Variants in ACAD9 observed in about 807,000 individuals in gnomAD.
The protein encoded by ACAD9 is acyl-CoA dehydrogenase family member 9, also known as complex I assembly factor ACAD9, mitochondrial.
ACAD9 carries 53 observed loss-of-function variants against 70.2 expected under a neutral mutation model. That is an observed-to-expected ratio of 0.75 (90% confidence interval 0.61 to 0.95). The LOEUF (loss-of-function observed/expected upper bound fraction) is 0.95, where lower values mean the gene tolerates loss of function less well. ACAD9 is among the 40% of genes least tolerant of loss of function. The probability of loss-of-function intolerance (pLI) is 0.00; values close to 1 mark genes in which losing one functional copy is unlikely to be tolerated. For missense variants in ACAD9, 777 were observed against 802.8 expected, an observed-to-expected ratio of 0.97 and a Z score of 0.39; for synonymous variants, 313 against 312.1, an observed-to-expected ratio of 1.00 and a Z score of -0.03.
intron 1 of ACAD9, among the ~76,000 whole-genome samples, chr3:128,882,510 C>T (rs781674842): frequency 5.3e-5 from 8 of 152,230 alleles, no homozygotes; most frequent in African/African-American, 7.2e-5. Flanking sequence ...CACAGCCTTA[C>T]TGGGATTAGA....
chr3:128,910,619 C>A, intron 16 of ACAD9, 122 bp from the exon 17 acceptor site: 1 of 1,071,750 alleles, frequency 9.3e-7, no homozygotes, highest in East Asian at 2.4e-5. Context: ...CGGGGTGACT[C>A]CTGTGCCAGG....
intron 1 of ACAD9, among the ~76,000 whole-genome samples, chr3:128,883,148 G>A (rs1353323506): frequency 6.6e-6 from 1 of 151,088 alleles, no homozygotes; most frequent in Non-Finnish European, 1.5e-5. Context: ...GAGTGCAGTG[G>A]TGCAATCACA....
chr3:128,901,668 AC>A lies in ACAD9; in HGVS notation c.882+322del, dbSNP rs562362106. Among the ~76,000 whole-genome samples, 4 of 152,340 alleles carry A rather than the reference AC, an allele frequency of 2.6e-5. No homozygotes were observed. The South Asian group carries it at 8.3e-4, about 32-fold the overall frequency. ...TGAATCTCAAGCTCTGTGTACCACA[AC>A]CCTGGTCTGCATCGCTGCCCTACTC... On this transcript the variant is annotated intron_variant, in intron 8 of 17. Coordinates refer to ENST00000308982, the MANE Select transcript of ACAD9 (RefSeq NM_014049.5).
chr3:128,889,635 T>G (rs544814439), intron 2 of ACAD9, among the ~76,000 whole-genome samples: 151 of 152,362 alleles, frequency 9.9e-4, no homozygotes, highest in African/African-American at 3.4e-3. Context: ...GTCTGGCTTC[T>G]TTCTGCATAA....
intron 2 of ACAD9, among the ~76,000 whole-genome samples, chr3:128,893,216 G>A (rs1935473148): frequency 6.6e-6 from 1 of 151,794 alleles, no homozygotes; most frequent in Non-Finnish European, 1.5e-5. Context: ...TGGGTGTGGT[G>A]GTATATACCT....
At chr3:128,906,706 T>G (rs1173509607) in intron 12 of ACAD9, among the ~76,000 whole-genome samples, 2 of 152,116 alleles carry the variant, frequency 1.3e-5, no homozygotes, top group African/African-American at 4.8e-5. Context: ...CAGGCCCAGA[T>G]GGGACTGATC....
intron 9 of ACAD9, 53 bp from the exon 10 acceptor site, chr3:128,904,009 G>A: frequency 6.3e-7 from 1 of 1,585,276 alleles, no homozygotes; most frequent in Non-Finnish European, 8.7e-7. Flanking sequence ...AGGAAATCAT[G>A]TTTGAACCAC....
intron 15 of ACAD9, 169 bp downstream of exon 15, chr3:128,909,590 C>T (rs1413030948): frequency 2.8e-6 from 2 of 725,160 alleles, no homozygotes; most frequent in Non-Finnish European, 4.7e-6. Context: ...GCCTGGGGCC[C>T]ACTTAGCTAC....
chr3:128,907,983 C>T (rs1232609498), intron 12 of ACAD9, among the ~76,000 whole-genome samples: 1 of 152,214 alleles, frequency 6.6e-6, no homozygotes. Flanking sequence ...CCAGTGGGAG[C>T]TCATGGCCAT....
At position 128,909,869 on chromosome 3, in the gene ACAD9, G is replaced by A. The variant is rs947486863; in HGVS notation, c.1564-152G>A. The A allele has an allele frequency of 5.9e-5, 65 of 1,101,502 alleles. 1 individual carries two copies. The East Asian group carries it at 1.2e-3, about 20-fold the overall frequency. The allele number at this position is 1,101,502 out of a possible 1,614,324, so 68.2% of individuals were successfully genotyped here. ...GGAAAACAGAAGGTGGCTGGGAGCC[G>A]TTCTCCCACAACCTGAAGAGAAAGG... On this transcript the variant is annotated intron_variant, in intron 15 of 17. Coordinates refer to ENST00000308982, the MANE Select transcript of ACAD9 (RefSeq NM_014049.5).
Position 128,879,675 on chromosome 3 carries a change from G to A in ACAD9, c.-17G>A. 1 of 1,612,032 alleles carries A rather than the reference G, an allele frequency of 6.2e-7. No homozygotes were observed. Among genetic ancestry groups the A allele is most frequent in the South Asian group, 1.1e-5 (1 of 91,004 alleles). ...AGAAGGGGAGACTGAGGCTGAGGCT[G>A]GGGAACATCGGGCAGCATGAGCGGC... On this transcript the variant is annotated 5_prime_UTR_variant, in exon 1 of 18. Coordinates refer to ENST00000308982, the MANE Select transcript of ACAD9 (RefSeq NM_014049.5).
In ACAD9 at chr3:128,902,495, G is replaced by A; in HGVS notation, c.883-58G>A. The A allele has an allele frequency of 6.3e-7, 1 of 1,588,584 alleles. No individual in the cohort carries two copies. The highest frequency in any genetic ancestry group is 8.6e-7 in the Non-Finnish European group (1 of 1,156,936). On this transcript the variant is annotated intron_variant, in intron 8 of 17. Coordinates refer to ENST00000308982, the MANE Select transcript of ACAD9 (RefSeq NM_014049.5). This position sits in a 1 kb window ranked among gnomAD's most constrained non-coding sequence, Gnocchi z 4.0. ...CTGATCCACCTGGCCTGGTTTCGTT[G>A]CGGCCTCCTCCCTCTGCCTCCTTCA...
chr3:128,906,127 A>G lies in ACAD9; in HGVS notation c.1156A>G (p.Ser386Gly), dbSNP rs753372487. Residue 386 changes from serine (S) to glycine (G), a missense_variant, in exon 12 of 18, where the codon AGC becomes GGC. Ser to Gly is a moderately conservative substitution (Grantham distance 56). Transcript: ENST00000308982. ...TCAGTGTGACACCCCACAGGTGTTC[A>G]GCTCCGAGGCCGCCTGGCAGTGTGT... ...SIEAAMVKVF[S>G]SEAAWQCVSE... 1.2e-5 allele frequency: 20 copies of G among 1,614,058 alleles called. No homozygotes were observed. The highest frequency in any genetic ancestry group is 1.5e-5 in the Non-Finnish European group (18 of 1,180,042).
Position 128,896,955 on chromosome 3 carries a change from TC to T in ACAD9, c.554+421del, listed in dbSNP as rs368792411. On this transcript the variant is annotated intron_variant, in intron 5 of 17. Transcript: ENST00000308982. ...CAGCACTCGGGACTCTGATGATAAG[TC>T]CATCACCTGGACCATCCTCCATCCT... 4.0e-4 allele frequency among the ~76,000 whole-genome samples: 61 copies of T among 152,226 alleles called. 1 individual carries two copies. The South Asian group carries it at 0.013, about 32-fold the overall frequency.
chr3:128,900,459 C>T (rs761533307), intron 7 of ACAD9, among the ~76,000 whole-genome samples: 10 of 151,636 alleles, frequency 6.6e-5, no homozygotes, highest in South Asian at 2.1e-4. Flanking sequence ...AGGATGGCCT[C>T]GATCTCCTGA....
intron 5 of ACAD9, among the ~76,000 whole-genome samples, chr3:128,896,792 A>G (rs1466237113): frequency 6.6e-6 from 1 of 152,234 alleles, no homozygotes; most frequent in Non-Finnish European, 1.5e-5. Flanking sequence ...ACACACCTTG[A>G]CATACAATAT....
intron 1 of ACAD9, among the ~76,000 whole-genome samples, chr3:128,881,608 C>G (rs1181965368): frequency 2.6e-5 from 4 of 152,202 alleles, no homozygotes; most frequent in African/African-American, 4.8e-5. Context: ...TCCCTAATGG[C>G]CATAGAAGTC....
At chr3:128,897,399 A>G (rs576552194) in intron 5 of ACAD9, among the ~76,000 whole-genome samples, 20 of 152,208 alleles carry the variant, frequency 1.3e-4, no homozygotes, top group Non-Finnish European at 2.1e-4. Context: ...CCAGATCTCA[A>G]TCTCTTGACC....
intron 2 of ACAD9, among the ~76,000 whole-genome samples, chr3:128,891,822 A>C (rs1306584220): frequency 6.6e-6 from 1 of 152,182 alleles, no homozygotes; most frequent in East Asian, 1.9e-4. Context: ...GTTTTTAGGA[A>C]AATTGATTAT....
Sources: gnomAD v4.1 joint callset for allele counts (sites outside exome capture counted in the v4.1 genomes callset) on GRCh38, gnomAD v4.1.1 for gene constraint, Gnocchi (gnomAD v3.1) non-coding constraint, MANE v1.5 for transcripts, NCBI Gene and HGNC (gene_info 2026-07-23, HGNC 2026-07-21) for gene names.